ENOX1: variants seen among roughly 807,000 people sequenced by gnomAD.
ENOX1 encodes the protein ecto-NOX disulfide-thiol exchanger 1, also known as candidate growth-related and time keeping constitutive hydroquinone (NADH) oxidase.
A neutral mutation model predicts 82.5 loss-of-function variants in ENOX1; 42 were observed. The observed-to-expected ratio is 0.51, with a 90% CI of 0.40 to 0.66. The LOEUF is 0.66. Ranked by LOEUF, ENOX1 falls within the 30% of genes least tolerant of loss-of-function variation. ENOX1 has a pLI of 0.00. For synonymous variants in ENOX1, 271 were observed against 282.2 expected (o/e 0.96, Z 0.40); for missense variants, 608 against 811.6 (o/e 0.75, Z 3.05).
intron 3 of ENOX1, among the ~76,000 whole-genome samples, chr13:43,436,415 A>G (rs1217902819): frequency 6.6e-6 from 1 of 152,220 alleles, no homozygotes; most frequent in Non-Finnish European, 1.5e-5. Context: ...ATTTTTTACA[A>G]CATAGAAAGT....
chr13:43,601,006 A>G (rs2081689318), intron 2 of ENOX1, among the ~76,000 whole-genome samples: 2 of 152,158 alleles, frequency 1.3e-5, no homozygotes, highest in Non-Finnish European at 2.9e-5. Flanking sequence ...TGCAAGGACC[A>G]AAAACTTATA....
At chr13:43,486,501 C>A (rs929665307) in intron 2 of ENOX1, among the ~76,000 whole-genome samples, 14 of 152,194 alleles carry the variant, frequency 9.2e-5, no homozygotes, top group Admixed American at 8.5e-4. Flanking sequence ...TTTAAACATT[C>A]ATTCAGCCAC....
intron 2 of ENOX1, among the ~76,000 whole-genome samples, chr13:43,561,807 C>T (rs963264500): frequency 2.6e-5 from 4 of 151,946 alleles, no homozygotes; most frequent in African/African-American, 9.7e-5. Context: ...ATGGTGAAAT[C>T]CCGTCTCTAC....
At chr13:43,432,064 T>C (rs2055704825) in intron 3 of ENOX1, among the ~76,000 whole-genome samples, 4 of 152,108 alleles carry the variant, frequency 2.6e-5, no homozygotes, top group Non-Finnish European at 5.9e-5. Flanking sequence ...GAAATCACAA[T>C]AAAGGCGCTC....
intron 7 of ENOX1, among the ~76,000 whole-genome samples, chr13:43,356,526 T>C (rs1480104329): frequency 6.6e-6 from 1 of 152,222 alleles, no homozygotes; most frequent in Non-Finnish European, 1.5e-5. Flanking sequence ...TTTTTTTCTC[T>C]ACCTTTTTAT....
chr13:43,323,131 A>T (rs1041018401), intron 10 of ENOX1, among the ~76,000 whole-genome samples: 2 of 152,222 alleles, frequency 1.3e-5, no homozygotes, highest in South Asian at 4.1e-4. Flanking sequence ...GTATGTGCCC[A>T]TGTGTGATCA....
At chr13:43,751,635 A>G (rs576573812) in intron 1 of ENOX1, among the ~76,000 whole-genome samples, 165 of 152,276 alleles carry the variant, frequency 1.1e-3, no homozygotes, top group African/African-American at 3.9e-3. Flanking sequence ...TGCAATATGT[A>G]GTCTTTATTT....
chr13:43,641,508 A>G (rs973223937), intron 2 of ENOX1, among the ~76,000 whole-genome samples: 2 of 150,748 alleles, frequency 1.3e-5, no homozygotes, highest in African/African-American at 4.9e-5. Flanking sequence ...CACAAAAGTA[A>G]CAGAGTAACA....
chr13:43,560,193 CT>C (rs1424044067), intron 2 of ENOX1, among the ~76,000 whole-genome samples: 1 of 152,082 alleles, frequency 6.6e-6, no homozygotes, highest in African/African-American at 2.4e-5. Flanking sequence ...TGGGTTTGTT[CT>C]TTTTAATGGC....
At chr13:43,596,315 C>T (rs778412770) in intron 2 of ENOX1, among the ~76,000 whole-genome samples, 1 of 152,198 alleles carries the variant, frequency 6.6e-6, no homozygotes, top group Non-Finnish European at 1.5e-5. Flanking sequence ...TTTAACACCA[C>T]CACAGGCCTT....
At chr13:43,426,578 TATG>T (rs1307402719) in intron 3 of ENOX1, among the ~76,000 whole-genome samples, 10 of 152,220 alleles carry the variant, frequency 6.6e-5, no homozygotes, top group Non-Finnish European at 1.5e-4. Context: ...TTTTATGGCT[TATG>T]ATGAGATAAT....
At chr13:43,332,435 C>T (rs998381291) in intron 9 of ENOX1, among the ~76,000 whole-genome samples, 5 of 152,124 alleles carry the variant, frequency 3.3e-5, no homozygotes, top group Non-Finnish European at 5.9e-5. Context: ...TCCTGCTGTG[C>T]GGCCCAGTTC....
chr13:43,303,940 C>T (rs372259122), intron 11 of ENOX1, among the ~76,000 whole-genome samples: 12 of 152,194 alleles, frequency 7.9e-5, no homozygotes, highest in African/African-American at 9.7e-5. Context: ...CATTCTATCC[C>T]GATTCCTAAA....
intron 2 of ENOX1, among the ~76,000 whole-genome samples, chr13:43,488,374 G>A (rs2076506265): frequency 6.6e-6 from 1 of 152,158 alleles, no homozygotes; most frequent in Non-Finnish European, 1.5e-5. Flanking sequence ...TGGAAGTGGA[G>A]AGCAGCCAGC....
At chr13:43,660,011 T>C (rs1296631589) in intron 2 of ENOX1, among the ~76,000 whole-genome samples, 4 of 152,142 alleles carry the variant, frequency 2.6e-5, no homozygotes, top group Non-Finnish European at 4.4e-5. Context: ...TCTGTTGGAG[T>C]GGAGGAGCAG....
At chr13:43,346,782 A>G (rs1482397829) in intron 8 of ENOX1, among the ~76,000 whole-genome samples, 2 of 152,186 alleles carry the variant, frequency 1.3e-5, no homozygotes, top group Admixed American at 6.5e-5. Context: ...GCCTCCCTCC[A>G]CACTCTCTAC....
chr13:43,709,881 C>G (rs913821362), intron 1 of ENOX1, among the ~76,000 whole-genome samples: 3 of 152,096 alleles, frequency 2.0e-5, no homozygotes, highest in African/African-American at 7.2e-5. Flanking sequence ...ATTTTTAAAT[C>G]TCTTCCAAAA....
chr13:43,235,774 A>T (rs2042516289), intron 15 of ENOX1, among the ~76,000 whole-genome samples: 1 of 150,982 alleles, frequency 6.6e-6, no homozygotes, highest in Non-Finnish European at 1.5e-5. Flanking sequence ...TATTTCTGCC[A>T]GATAATGAAC....
intron 9 of ENOX1, among the ~76,000 whole-genome samples, chr13:43,329,430 G>C (rs952467613): frequency 6.6e-6 from 1 of 152,152 alleles, no homozygotes; most frequent in Non-Finnish European, 1.5e-5. Context: ...GAGCTGGTAA[G>C]TACATCCCAA....
Sources: allele counts gnomAD v4.1 joint callset (sites outside exome capture counted in the v4.1 genomes callset), GRCh38; gene constraint gnomAD v4.1.1; transcripts MANE v1.5; gene names NCBI Gene and HGNC (gene_info 2026-07-23, HGNC 2026-07-21).